The following NKTR variants were observed in gnomAD, a reference collection of about 807,000 sequenced individuals.
NKTR encodes NK-tumor recognition protein.
In NKTR, 67 loss-of-function variants were observed where a neutral mutation model predicts 156.3. The observed-to-expected ratio is 0.43, with a 90% confidence interval of 0.35 to 0.53. The LOEUF is 0.53. Among genes scored for constraint, NKTR ranks in the 20% least tolerant of loss-of-function variants. The pLI, the probability that NKTR is intolerant of heterozygous loss-of-function variation, is 0.01. For missense variants in NKTR, 1,604 were observed against 1,730.9 expected (o/e 0.93, Z 1.30); for synonymous variants, 640 against 596.6 (o/e 1.07, Z -1.06).
In NKTR at chr3:42,632,839, C is replaced by T. The variant is rs773848897; in HGVS notation, c.773+16C>T. The T allele has an allele frequency of 6.5e-7, 1 of 1,527,636 alleles. No individual in the cohort carries two copies. The allele number at this position is 1,527,636 out of a possible 1,614,324, so 94.6% of individuals were successfully genotyped here. On this transcript the variant is annotated intron_variant, in intron 9 of 16. Transcript: ENST00000232978. Reference sequence around the variant, plus strand: ...ACCCAAAAGGGTACGTGTAAAACACCAATGTACTCTTACCTAAAAACAAAC... The same window carrying T: ...ACCCAAAAGGGTACGTGTAAAACACTAATGTACTCTTACCTAAAAACAAAC...
chr3:42,605,727 G>C (rs1292114027), intron 2 of NKTR, among the ~76,000 whole-genome samples: 1 of 152,094 alleles, frequency 6.6e-6, no homozygotes, highest in African/African-American at 2.4e-5. Flanking sequence ...GTCACCCTGG[G>C]TCATAAGCTC....
chr3:42,627,316 A>G lies in NKTR; in HGVS notation c.375-3230A>G, dbSNP rs997032764. On this transcript the variant is annotated intron_variant, in intron 6 of 16. Coordinates refer to ENST00000232978, the MANE Select transcript of NKTR (RefSeq NM_005385.4). ...TGTGCATTGAAACATTTTAAGAAAA[A>G]AAAAAACTTTCTGCTTTATCTGTAT... is the stretch of plus-strand genomic sequence containing the variant. 15 of 985,298 alleles carry G rather than the reference A, an allele frequency of 1.5e-5. No homozygotes were observed. In the African/African-American group the frequency reaches 2.4e-4, roughly 16 times the overall value. 61.0% of individuals were successfully genotyped at this position (985,298 alleles called of 1,614,324 possible).
At position 42,639,612 on chromosome 3, in the gene NKTR, C is replaced by G; in HGVS notation, c.3908C>G (p.Pro1303Arg). The G allele has an allele frequency of 6.2e-7, 1 of 1,614,170 alleles. No homozygotes were observed. Among genetic ancestry groups the G allele is most frequent in the Non-Finnish European group, 8.5e-7 (1 of 1,180,028 alleles). The change falls in exon 13 of 17, where the codon CCT becomes CGT. Residue 1303 changes from proline to arginine, a missense_variant. This residue lies in a region of NKTR where 193 missense variants were observed against 220.2 expected (regional missense o/e 0.88). Coordinates refer to ENST00000232978, the MANE Select transcript of NKTR (RefSeq NM_005385.4). ...NQESSSDEQT[P>R]SRDDDSQSRS... ...GAGAGTTCAAGTGATGAGCAGACGC[C>G]TAGTCGGGATGATGATAGCCAGTCC...
intron 6 of NKTR, among the ~76,000 whole-genome samples, chr3:42,624,016 G>T (rs1180835143): frequency 6.6e-6 from 1 of 151,984 alleles, no homozygotes; most frequent in Non-Finnish European, 1.5e-5. Context: ...ATCCCTCAAG[G>T]ATTCTTATGT....
Position 42,644,008 on chromosome 3 carries a change from G to A in NKTR, c.4301+5G>A. 6.2e-7 allele frequency: 1 copy of A among 1,608,862 alleles called. No individual in the cohort carries two copies. The highest frequency in any genetic ancestry group is 8.5e-7 in the Non-Finnish European group (1 of 1,175,844). On this transcript the variant is annotated splice_donor_5th_base_variant and intron_variant, in intron 16 of 16. Transcript: ENST00000232978. Reference sequence around the variant, plus strand: ...AAGTTATAATCGGCGGTCCAGGTGGGTCTCTCTCCTTTATCGTCCTTTATC... The same window carrying A: ...AAGTTATAATCGGCGGTCCAGGTGGATCTCTCTCCTTTATCGTCCTTTATC...
chr3:42,604,776 C>G (rs764533850), intron 2 of NKTR, among the ~76,000 whole-genome samples: 2 of 140,946 alleles, frequency 1.4e-5, no homozygotes, highest in Non-Finnish European at 3.0e-5. Flanking sequence ...ACACCCTCTG[C>G]CTTCCTGGTT....
At chr3:42,645,436 G>C (rs1381418621) in intron 16 of NKTR, among the ~76,000 whole-genome samples, 1 of 152,160 alleles carries the variant, frequency 6.6e-6, no homozygotes, top group African/African-American at 2.4e-5. Flanking sequence ...TGTAATCCCA[G>C]CACTTTGGGA....
chr3:42,629,818 ACTGT>A, intron 6 of NKTR: 2 of 985,450 alleles, frequency 2.0e-6, no homozygotes, highest in Non-Finnish European at 2.4e-6. Context: ...CCCAAGAGTG[ACTGT>A]CTGACAGTTG....
In NKTR at chr3:42,633,575, C is replaced by G; in HGVS notation, c.774-5C>G. Reference sequence around the variant, plus strand: ...ATTTTAATCAGTGACTTGGTTTGTTCTAAGTCACTCTGAGAGGAGTGATAC... The same window carrying G: ...ATTTTAATCAGTGACTTGGTTTGTTGTAAGTCACTCTGAGAGGAGTGATAC... On this transcript the variant is annotated splice_polypyrimidine_tract_variant and splice_region_variant and intron_variant, in intron 9 of 16. Transcript: ENST00000232978. 6.2e-7 allele frequency: 1 copy of G among 1,612,782 alleles called. No homozygotes were observed. Among genetic ancestry groups the G allele is most frequent in the Non-Finnish European group, 8.5e-7 (1 of 1,179,430 alleles).
intron 1 of NKTR, 48 bp downstream of exon 1, chr3:42,600,826 C>T: frequency 2.4e-6 from 1 of 420,668 alleles, no homozygotes; most frequent in Non-Finnish European, 4.2e-6. Context: ...AGCCGCGAGG[C>T]CCGGGGCGGG....
intron 2 of NKTR, among the ~76,000 whole-genome samples, chr3:42,614,009 A>G (rs1292550544): frequency 6.6e-6 from 1 of 152,192 alleles, no homozygotes; most frequent in Non-Finnish European, 1.5e-5. Flanking sequence ...AATATTATCA[A>G]TAGTATTGAC....
At chr3:42,601,162 C>A in intron 2 of NKTR, 98 bp downstream of exon 2, 1 of 1,017,712 alleles carries the variant, frequency 9.8e-7, no homozygotes, top group Non-Finnish European at 1.4e-6. Context: ...TTTTTGGGAG[C>A]GGGTAGGAGG....
At chr3:42,612,521 T>A (rs1277250556) in intron 2 of NKTR, among the ~76,000 whole-genome samples, 1 of 152,200 alleles carries the variant, frequency 6.6e-6, no homozygotes, top group Non-Finnish European at 1.5e-5. Flanking sequence ...CATTTCCTTT[T>A]ATTTTAAAAC....
chr3:42,630,736 C>T, intron 7 of NKTR, 161 bp downstream of exon 7: 3 of 1,428,610 alleles, frequency 2.1e-6, no homozygotes, highest in Non-Finnish European at 2.8e-6. Context: ...TGTTTTGAGA[C>T]CCCATGGCTC....
Position 42,639,532 on chromosome 3 carries a change from T to A in NKTR, c.3828T>A (p.Ser1276=), listed in dbSNP as rs753949185. 1 of 1,614,160 alleles carries A rather than the reference T, an allele frequency of 6.2e-7. No homozygotes were observed. Among genetic ancestry groups the A allele is most frequent in the Non-Finnish European group, 8.5e-7 (1 of 1,180,028 alleles). ...IKSKNKVRPG[S]LFDEVRKTAR... Reference sequence around the variant, plus strand: ...GCAAAAATAAAGTTCGGCCTGGGTCTCTCTTTGATGAAGTAAGAAAGACAG... The same window carrying A: ...GCAAAAATAAAGTTCGGCCTGGGTCACTCTTTGATGAAGTAAGAAAGACAG... Residue 1276 remains serine, a synonymous_variant, in exon 13 of 17, where the codon TCT becomes TCA. Transcript: ENST00000232978.
chr3:42,619,433 A>G, intron 4 of NKTR: 1 of 1,347,910 alleles, frequency 7.4e-7, no homozygotes, highest in Non-Finnish European at 9.6e-7. Context: ...TGGTGTTATT[A>G]CTGTTTGAAA....
At chr3:42,625,803 C>G (rs1708326190) in intron 6 of NKTR, among the ~76,000 whole-genome samples, 1 of 152,062 alleles carries the variant, frequency 6.6e-6, no homozygotes, top group African/African-American at 2.4e-5. Flanking sequence ...CTCTGAATAT[C>G]AAGTGTCATC....
intron 2 of NKTR, among the ~76,000 whole-genome samples, chr3:42,609,124 A>G (rs1259180035): frequency 1.4e-5 from 2 of 142,656 alleles, no homozygotes; most frequent in Non-Finnish European, 3.0e-5. Flanking sequence ...CAAGACTCAT[A>G]TATCAAAAAA....
At chr3:42,631,476 C>A (rs1330246811) in intron 8 of NKTR, among the ~76,000 whole-genome samples, 160 bp downstream of exon 8, 2 of 152,166 alleles carry the variant, frequency 1.3e-5, no homozygotes, top group African/African-American at 4.8e-5. Context: ...CTTGTCAGAT[C>A]TTACTTTTTC....
Sources: allele counts gnomAD v4.1 joint callset (sites outside exome capture counted in the v4.1 genomes callset), GRCh38; gene constraint gnomAD v4.1.1; regional missense constraint gnomAD v4.1.1; transcripts MANE v1.5; gene names NCBI Gene and HGNC (gene_info 2026-07-23, HGNC 2026-07-21).